CAPRIN2: variants seen among roughly 807,000 people sequenced by gnomAD.
CAPRIN2 encodes caprin family member 2.
A neutral mutation model predicts 130.4 loss-of-function variants in CAPRIN2; 66 were observed. The observed-to-expected ratio is 0.51, with a 90% confidence interval of 0.42 to 0.62. The LOEUF (loss-of-function observed/expected upper bound fraction) is 0.62, where lower values mean the gene tolerates loss of function less well. CAPRIN2 is among the 20% of genes least tolerant of loss of function. The probability of loss-of-function intolerance (pLI) is 0.00; values close to 1 mark genes in which losing one functional copy is unlikely to be tolerated. For missense variants in CAPRIN2, 1,185 were observed against 1,246.6 expected (o/e 0.95, Z 0.74); for synonymous variants, 471 against 444.1 (o/e 1.06, Z -0.76).
Position 30,741,002 on chromosome 12 carries a change from C to G in CAPRIN2, c.570+18G>C, listed in dbSNP as rs2139065958. On this transcript the variant is annotated intron_variant, in intron 3 of 16. Coordinates refer to ENST00000298892, the Ensembl canonical transcript of CAPRIN2. Reference sequence around the variant, plus strand: ...TGGTTAAAACTGGTTTCAGGAAAAGCAAAGAAAACATACTCACATCTAGGC... The same window carrying G: ...TGGTTAAAACTGGTTTCAGGAAAAGGAAAGAAAACATACTCACATCTAGGC... The G allele has an allele frequency of 3.2e-6, 5 of 1,547,812 alleles. No individual in the cohort carries two copies. In the East Asian group the frequency reaches 1.1e-4, roughly 36 times the overall value.
In CAPRIN2 at chr12:30,720,751, G is replaced by C. The variant is rs371696129; in HGVS notation, c.2148+60C>G. The stretch of plus-strand genomic sequence containing the variant: ...AACTAATCATGCCTGTAATTCATAA[G>C]ATAAACTGGTTCTGCTATTCTTTAA... On this transcript the variant is annotated intron_variant, in intron 12 of 16. Coordinates refer to ENST00000298892, the Ensembl canonical transcript of CAPRIN2. 6.2e-6 allele frequency: 6 copies of C among 960,664 alleles called. No individual in the cohort carries two copies. In the African/African-American group the frequency reaches 8.1e-5, roughly 13 times the overall value. 59.5% of individuals were successfully genotyped at this position (960,664 alleles called of 1,614,324 possible).
intron 6 of CAPRIN2, 142 bp from the exon 8 acceptor site, chr12:30,730,424 A>G (rs2062277239): frequency 1.6e-6 from 1 of 635,626 alleles, no homozygotes; most frequent in Non-Finnish European, 2.8e-6. Flanking sequence ...ATTGATGGCA[A>G]GAGGAATTAT....
At chr12:30,719,378 A>T in intron 12 of CAPRIN2, 153 bp from the exon 14 acceptor site, 1 of 821,584 alleles carries the variant, frequency 1.2e-6, no homozygotes, top group Non-Finnish European at 1.9e-6. Context: ...ACAATTTCAA[A>T]TCTCAATTGC....
intron 10 of CAPRIN2, among the ~76,000 whole-genome samples, 159 bp from the exon 12 acceptor site, chr12:30,723,473 G>T (rs932276193): frequency 3.3e-5 from 5 of 152,202 alleles, no homozygotes. Flanking sequence ...TTTAACAAGA[G>T]AGAACTGTAG....
intron 2 of CAPRIN2, 122 bp from the exon 4 acceptor site, chr12:30,741,228 CA>C (rs1250196362): frequency 1.5e-5 from 7 of 469,408 alleles, no homozygotes; most frequent in Middle Eastern, 5.5e-4. Flanking sequence ...TATACATACA[CA>C]AAAAAAGTAC....
exon 13 of CAPRIN2, chr12:30,716,658 G>A: frequency 1.2e-6 from 2 of 1,613,804 alleles, no homozygotes; most frequent in East Asian, 2.2e-5. Flanking sequence ...GGAGGCAGAG[G>A]TGCATTAACG....
chr12:30,713,353 T>C (rs1338395564), intron 15 of CAPRIN2, among the ~76,000 whole-genome samples: 1 of 152,192 alleles, frequency 6.6e-6, no homozygotes, highest in African/African-American at 2.4e-5. Context: ...GAAAAAGGGC[T>C]TTGCTACATT....
At chr12:30,751,299 G>C (rs2073735190) in intron 1 of CAPRIN2, 166 bp from the exon 3 acceptor site, 1 of 602,870 alleles carries the variant, frequency 1.7e-6, no homozygotes, top group African/African-American at 1.9e-5. Context: ...ATGAGTTCCA[G>C]TCAGGGGAGA....
rs201512036 is a variant in CAPRIN2 at position 30,729,071 on chromosome 12, C to G, written c.1359G>C (p.Leu453=). 2.7e-5 allele frequency: 43 copies of G among 1,614,142 alleles called. No homozygotes were observed. In the Admixed American group the frequency reaches 7.2e-4, roughly 27 times the overall value. The change falls in exon 8 of 17, where the codon CTG becomes CTC. Residue 453 remains leucine (L), a synonymous_variant. Transcript: ENST00000298892. ...TCTCCTGCTTCTTCTGCTCTTCCGG[C>G]AGAGTAGACCTGAGTTTTGAGGTGT...
exon 6 of CAPRIN2, chr12:30,731,479 C>T: frequency 6.2e-7 from 1 of 1,612,742 alleles, no homozygotes; most frequent in Non-Finnish European, 8.5e-7. Context: ...CTGAGTTCAG[C>T]AATTTAGACA....
At chr12:30,728,804 T>C (rs1368578707) in exon 8 of CAPRIN2, 3 of 1,614,194 alleles carry the variant, frequency 1.9e-6, no homozygotes, top group Non-Finnish European at 2.5e-6. Context: ...TTGGAGTCTC[T>C]GGCTGTTTTG....
chr12:30,754,548 G>A (rs1024971410), upstream of CAPRIN2: 28 of 152,328 alleles, frequency 1.8e-4, no homozygotes, highest in African/African-American at 6.3e-4. Context: ...CGGGTACGCA[G>A]AAGCCGCTTC....
chr12:30,746,109 G>A (rs1304588011), intron 2 of CAPRIN2, among the ~76,000 whole-genome samples: 1 of 147,584 alleles, frequency 6.8e-6, no homozygotes, highest in Non-Finnish European at 1.5e-5. Context: ...CATGTATAGT[G>A]GAAACACTGC....
intron 2 of CAPRIN2, among the ~76,000 whole-genome samples, chr12:30,745,091 G>A (rs915802340): frequency 7.9e-5 from 12 of 152,278 alleles, no homozygotes; most frequent in Admixed American, 3.3e-4. Flanking sequence ...ACAAAAGAGG[G>A]AAGATTCTAC....
chr12:30,753,676 C>A lies in CAPRIN2; in HGVS notation c.88G>T (p.Glu30Ter), dbSNP rs1194616612. 1 of 1,614,100 alleles carries A rather than the reference C, an allele frequency of 6.2e-7. No homozygotes were observed. The change falls in exon 1 of 17, where the codon GAA (glutamate) becomes TAA (stop). Residue 30 changes from glutamate to a stop codon, truncating the protein, a stop_gained. Transcript: ENST00000298892. LOFTEE classifies it high-confidence loss of function. The stretch of plus-strand genomic sequence containing the variant: ...GAGGGACACAGCCAGGCAATAACTT[C>A]CCTGGAAAGTCTAGACCACTCCCTT...
intron 3 of CAPRIN2, among the ~76,000 whole-genome samples, chr12:30,738,680 G>T (rs1016832248): frequency 2.6e-5 from 4 of 152,060 alleles, no homozygotes; most frequent in Admixed American, 2.0e-4. Context: ...CTAATATCCA[G>T]TATCTATAAG....
At chr12:30,712,499 A>G (rs1054946451) in intron 15 of CAPRIN2, among the ~76,000 whole-genome samples, 2 of 152,146 alleles carry the variant, frequency 1.3e-5, no homozygotes, top group Admixed American at 6.5e-5. Context: ...ATAACATCTA[A>G]TATTTGCACG....
At chr12:30,754,054 T>C (rs2075218146) in exon 1 of CAPRIN2, 2 of 305,668 alleles carry the variant, frequency 6.5e-6, no homozygotes, top group Admixed American at 4.5e-5. Context: ...ATCCTGAACG[T>C]TTGGAAGAAA....
intron 2 of CAPRIN2, among the ~76,000 whole-genome samples, chr12:30,743,984 G>A (rs10771764): frequency 0.64 from 97,230 of 151,990 alleles, 32,521 homozygotes; most frequent in African/African-American, 0.84. Context: ...ATTAAAATCA[G>A]TAGTACAAAA....
Sources: gnomAD v4.1 joint callset for allele counts (sites outside exome capture counted in the v4.1 genomes callset) on GRCh38, gnomAD v4.1.1 for gene constraint, MANE v1.5 for transcripts, NCBI Gene and HGNC (gene_info 2026-07-23, HGNC 2026-07-21) for gene names.